Variants in EFCAB12 observed in about 807,000 individuals in gnomAD.
The protein encoded by EFCAB12 is EF-hand calcium-binding domain-containing protein 12.
EFCAB12 carries 43 observed loss-of-function variants against 53.6 expected under a neutral mutation model. The observed-to-expected ratio is 0.80, with a 90% CI of 0.63 to 1.03. The LOEUF is 1.03. EFCAB12 is among the 50% of genes least tolerant of loss of function. The probability of loss-of-function intolerance (pLI) is 0.00; values close to 1 mark genes in which losing one functional copy is unlikely to be tolerated. For synonymous variants in EFCAB12, 269 were observed against 289.2 expected (o/e 0.93, Z 0.71); for missense variants, 646 against 730.6 (o/e 0.88, Z 1.34).
chr3:129,411,452 A>G, intron 4 of EFCAB12, 98 bp from the exon 5 acceptor site: 1 of 1,273,534 alleles, frequency 7.9e-7, no homozygotes, highest in Non-Finnish European at 1.1e-6. Flanking sequence ...AGCAGGCACC[A>G]GGCCACCCCT....
In EFCAB12 at chr3:129,413,353, C is replaced by G. The variant is rs780424154; in HGVS notation, c.838+1892G>C. 7.1e-5 allele frequency: 10 copies of G among 141,488 alleles called. No individual in the cohort carries two copies. The East Asian group carries it at 9.8e-4, about 14-fold the overall frequency. The allele number at this position is 141,488 out of a possible 1,614,324, so 8.8% of individuals were successfully genotyped here. ...GAAAGAGCAGACAGTAAAACACAGA[C>G]AAGACAGCTCAGGCACAGAGGGAGG... On this transcript the variant is annotated intron_variant, in intron 4 of 8. Transcript: ENST00000505956.
chr3:129,416,787 C>A (rs187872050), intron 3 of EFCAB12, among the ~76,000 whole-genome samples: 1 of 152,082 alleles, frequency 6.6e-6, no homozygotes, highest in Non-Finnish European at 1.5e-5. Context: ...GTAGCTGGGA[C>A]GACAGGTGTG....
At chr3:129,418,673 G>C (rs1328971041) in intron 2 of EFCAB12, 1 of 431,588 alleles carries the variant, frequency 2.3e-6, no homozygotes, top group African/African-American at 2.0e-5. Context: ...CAAGGCTTGG[G>C]CAATATAGGA....
At chr3:129,409,443 A>AAAAAG (rs1209323452) in intron 5 of EFCAB12, among the ~76,000 whole-genome samples, 3 of 152,224 alleles carry the variant, frequency 2.0e-5, no homozygotes, top group African/African-American at 4.8e-5. Flanking sequence ...ACTGTCTCAA[A>AAAAAG]AAAAGAAAAG....
chr3:129,412,983 C>T (rs2072064905), intron 4 of EFCAB12: 1 of 152,250 alleles, frequency 6.6e-6, no homozygotes, highest in African/African-American at 2.4e-5. Flanking sequence ...AAATAATATC[C>T]TGACCTTACC....
rs778509921 is a variant in EFCAB12, at chr3:129,418,422, C to T, written c.513G>A (p.Leu171=). 3.7e-6 allele frequency: 6 copies of T among 1,611,388 alleles called. No individual in the cohort carries two copies. The highest frequency in any genetic ancestry group is 1.3e-5 in the African/African-American group (1 of 75,014). The part of the protein sequence containing the change: ...TRKKAPRLSR[L]SRQMVPQLQL... ...GGAGCTGGGGCACCATCTGGCGGGA[C>T]AGCCGGGAGAGCCTGGGGGCTTTCT... is the stretch of plus-strand genomic sequence containing the variant. The change falls in exon 3 of 9, where the codon CTG becomes CTA. Residue 171 remains leucine (L), a synonymous_variant. Transcript: ENST00000505956.
chr3:129,404,281 G>A lies in EFCAB12; in HGVS notation c.1372C>T (p.Gln458Ter). The A allele has an allele frequency of 1.2e-6, 2 of 1,613,880 alleles. No homozygotes were observed. The part of the protein sequence containing the change: ...FSPNLALLRS[Q>*]GPGKSKRTDK... ...GTCCTCTTAGACTTGCCAGGGCCCT[G>A]GGACCGGAGCAGAGCCAGATTCGGA... is the stretch of plus-strand genomic sequence containing the variant. Residue 458 changes from glutamine (Q) to a stop codon, truncating the protein, a stop_gained, in exon 7 of 9, where the codon CAG (glutamine) becomes TAG (stop). Coordinates refer to ENST00000505956, the MANE Select transcript of EFCAB12 (RefSeq NM_207307.3). LOFTEE classifies it high-confidence loss of function.
At chr3:129,416,462 C>A (rs968227944) in intron 3 of EFCAB12, among the ~76,000 whole-genome samples, 1 of 151,698 alleles carries the variant, frequency 6.6e-6, no homozygotes, top group Non-Finnish European at 1.5e-5. Flanking sequence ...AATGAACTCT[C>A]CTGGTGCTAA....
intron 6 of EFCAB12, among the ~76,000 whole-genome samples, chr3:129,407,173 T>TGGAGGCAGCAA (rs1198976663): frequency 6.6e-6 from 1 of 152,198 alleles, no homozygotes; most frequent in Admixed American, 6.5e-5. Flanking sequence ...AAAAACTGTG[T>TGGAGGCAGCAA]GGAGGCAGCA....
intron 3 of EFCAB12, 51 bp downstream of exon 3, chr3:129,418,203 A>G: frequency 1.3e-6 from 2 of 1,519,332 alleles, no homozygotes; most frequent in South Asian, 1.3e-5. Flanking sequence ...GAGGGAGTAC[A>G]TGTACATCCT....
intron 6 of EFCAB12, among the ~76,000 whole-genome samples, chr3:129,406,843 A>T (rs1286074066): frequency 2.1e-5 from 3 of 145,718 alleles, no homozygotes; most frequent in African/African-American, 7.8e-5. Context: ...AAAGGTTGTG[A>T]CTTCATTTGG....
chr3:129,415,062 G>A (rs1197878313), intron 4 of EFCAB12, 183 bp downstream of exon 4: 2 of 595,422 alleles, frequency 3.4e-6, no homozygotes, highest in Non-Finnish European at 5.4e-6. Context: ...GGCACTCAAG[G>A]GAATATCTAC....
At chr3:129,408,505 C>A (rs1559784726) in intron 6 of EFCAB12, 140 bp downstream of exon 6, 15 of 884,058 alleles carry the variant, frequency 1.7e-5, no homozygotes, top group Admixed American at 2.5e-5. Context: ...TCCACGCCCC[C>A]ACTCCGCCTT....
At chr3:129,404,445 C>A (rs758736386) in intron 6 of EFCAB12, 42 bp from the exon 7 acceptor site, 3 of 1,548,328 alleles carry the variant, frequency 1.9e-6, no homozygotes, top group Non-Finnish European at 2.6e-6. Flanking sequence ...TCAACCCAGA[C>A]TGCCCATCCC....
At chr3:129,404,141 C>T (rs751270219) in intron 7 of EFCAB12, 109 bp downstream of exon 7, 335 of 1,445,088 alleles carry the variant, frequency 2.3e-4, no homozygotes, top group Non-Finnish European at 3.0e-4. Flanking sequence ...AGGATGCAGA[C>T]GCAAGCACAG....
chr3:129,424,263 T>C (rs1023741085), intron 1 of EFCAB12, among the ~76,000 whole-genome samples: 1 of 152,146 alleles, frequency 6.6e-6, no homozygotes, highest in Admixed American at 6.5e-5. Flanking sequence ...GTAAACATCA[T>C]GGTATGGTTT....
rs771027931 is a variant in EFCAB12, at chr3:129,421,597, TG to T, written c.255del (p.Ser86AlafsTer21). 6.2e-7 allele frequency: 1 copy of T among 1,613,972 alleles called. No individual in the cohort carries two copies. Among genetic ancestry groups the T allele is most frequent in the Non-Finnish European group, 8.5e-7 (1 of 1,179,852 alleles). On this transcript the variant is annotated frameshift_variant, in exon 2 of 9. Coordinates refer to ENST00000505956, the MANE Select transcript of EFCAB12 (RefSeq NM_207307.3). LOFTEE classifies it high-confidence loss of function. The part of the protein sequence containing the change: ...SQPQAPPKPI[P>X]SFKVLEARDI... ...TCTCTAGCTTCCAGAACTTTGAAGC[TG>T]GGGATGGGCTTTGGGGGAGCCTGAG...
Position 129,404,364 on chromosome 3 carries a change from T to C in EFCAB12, c.1289A>G (p.Asp430Gly), listed in dbSNP as rs775636792. 6.2e-7 allele frequency: 1 copy of C among 1,613,724 alleles called. No homozygotes were observed. The change falls in exon 7 of 9, where the codon GAC becomes GGC. Residue 430 changes from aspartate (D) to glycine (G), a missense_variant. Asp to Gly is a moderately conservative substitution (Grantham distance 94, BLOSUM62 -1). Coordinates refer to ENST00000505956, the MANE Select transcript of EFCAB12 (RefSeq NM_207307.3). The part of the protein sequence containing the change: ...YPGDKIIFQM[D>G]KVCPIRQPGG... ...CGGCTGCCGGATGGGGCACACTTTGTCCATCTGGAAAATGATCTTGTCTCC... is the reference window on the plus strand; with the variant it reads ...CGGCTGCCGGATGGGGCACACTTTGCCCATCTGGAAAATGATCTTGTCTCC...
In EFCAB12 at chr3:129,421,632, G is replaced by A. The variant is rs1559791880; in HGVS notation, c.221C>T (p.Ala74Val). The stretch of plus-strand genomic sequence containing the variant: ...CTTTGGGGGAGCCTGAGGTTGGGAT[G>A]CAGGATTAAGGGGTGTCTGATCCTC... ...RKEDQTPLNP[A>V]SQPQAPPKPI... is the part of the protein sequence containing the mutation. The change falls in exon 2 of 9, where the codon GCA (alanine) becomes GTA (valine). Residue 74 changes from alanine to valine, a missense_variant. Physicochemically the swap from Ala to Val is moderately conservative, Grantham distance 64 (BLOSUM62 0). Coordinates refer to ENST00000505956, the MANE Select transcript of EFCAB12 (RefSeq NM_207307.3). The A allele has an allele frequency of 1.9e-6, 3 of 1,614,018 alleles. No homozygotes were observed. The Middle Eastern group carries it at 4.9e-4, about 266-fold the overall frequency.
Sources: allele counts gnomAD v4.1 joint callset (sites outside exome capture counted in the v4.1 genomes callset), GRCh38; gene constraint gnomAD v4.1.1; transcripts MANE v1.5; gene names NCBI Gene and HGNC (gene_info 2026-07-23, HGNC 2026-07-21).